The following DNHD1 variants were observed in gnomAD, a reference collection of about 807,000 sequenced individuals.
DNHD1 encodes dynein heavy chain domain-containing protein 1.
DNHD1 carries 383 observed loss-of-function variants against 458.1 expected under a neutral mutation model. The ratio of observed to expected loss-of-function variants is 0.84; its 90% CI spans 0.77 to 0.91. The LOEUF is 0.91. Among genes scored for constraint, DNHD1 ranks in the 40% least tolerant of loss-of-function variants. DNHD1 has a pLI of 0.00. For synonymous variants in DNHD1, 2,203 were observed against 2,376.9 expected (o/e 0.93, Z 2.13); for missense variants, 5,336 against 5,866.1 (o/e 0.91, Z 2.95).
chr11:6,502,711 C>T, intron 3 of DNHD1, 42 bp from the exon 4 acceptor site: 1 of 1,533,794 alleles, frequency 6.5e-7, no homozygotes, highest in Non-Finnish European at 8.7e-7. Context: ...GGTACTTGAC[C>T]TTTTTACTCT....
rs767798871 is a variant in DNHD1 at position 6,545,918 on chromosome 11, C to T, written c.4979C>T (p.Pro1660Leu). The T allele has an allele frequency of 1.9e-6, 3 of 1,551,798 alleles. No individual in the cohort carries two copies. In the Admixed American group the frequency reaches 5.9e-5, roughly 30 times the overall value. The change falls in exon 21 of 43, where the codon CCT (proline) becomes CTT (leucine). Residue 1660 changes from proline to leucine, a missense_variant. This residue lies in a region of DNHD1 where 3,932 missense variants were observed against 4,365.6 expected (regional missense o/e 0.90). Coordinates refer to ENST00000254579, the MANE Select transcript of DNHD1 (RefSeq NM_144666.3). This position sits in a 1 kb window ranked among gnomAD's most constrained non-coding sequence, Gnocchi z 4.9. ...NYEYLGPRLG[P>L]LPSLLPERPA... is the part of the protein sequence containing the mutation. ...GAGTATCTGGGACCTAGACTAGGGCCTCTACCCAGCCTACTGCCTGAACGG... is the reference window on the plus strand; with the variant it reads ...GAGTATCTGGGACCTAGACTAGGGCTTCTACCCAGCCTACTGCCTGAACGG...
chr11:6,536,792 A>G (rs985551853), intron 14 of DNHD1, among the ~76,000 whole-genome samples: 2 of 152,208 alleles, frequency 1.3e-5, no homozygotes, highest in African/African-American at 4.8e-5. Context: ...TGGAGATGAT[A>G]TCTCTGCTCT....
In DNHD1 at chr11:6,519,952, C is replaced by G. The variant is rs761403490; in HGVS notation, c.1648-13C>G. The G allele has an allele frequency of 6.2e-7, 1 of 1,613,410 alleles. No homozygotes were observed. Among genetic ancestry groups the G allele is most frequent in the Middle Eastern group, 1.7e-4 (1 of 6,058 alleles). On this transcript the variant is annotated splice_polypyrimidine_tract_variant and intron_variant, in intron 8 of 42. Coordinates refer to ENST00000254579, the MANE Select transcript of DNHD1 (RefSeq NM_144666.3). ...TCTAGCCCCTCGACCTTTCCTGACC[C>G]TTTTTTTTACAGGCCCCAAGGCAGA...
At position 6,528,438 on chromosome 11, in the gene DNHD1, C is replaced by CGTGTGT. The variant is rs1565003444; in HGVS notation, c.1838-84_1838-83insGTGTGT. 369 of 987,356 alleles carry CGTGTGT rather than the reference C, an allele frequency of 3.7e-4. 1 individual carries two copies. In the African/African-American group the frequency reaches 5.1e-3, roughly 14 times the overall value. The allele number at this position is 987,356 out of a possible 1,614,324, so 61.2% of individuals were successfully genotyped here. On this transcript the variant is annotated intron_variant, in intron 10 of 42. Coordinates refer to ENST00000254579, the MANE Select transcript of DNHD1 (RefSeq NM_144666.3). ...GTGTGTGTGTGTGTGTGTGTGTGTACACACACTGAGGGCAAGGAGAAAGGA... is the reference window on the plus strand; with the variant it reads ...GTGTGTGTGTGTGTGTGTGTGTGTACGTGTGTACACACTGAGGGCAAGGAGAAAGGA...
In DNHD1 at chr11:6,563,857, G is replaced by A. The variant is rs1475816731; in HGVS notation, c.10017G>A (p.Ala3339=). The A allele has an allele frequency of 8.4e-6, 13 of 1,551,658 alleles. No individual in the cohort carries two copies. The highest frequency in any genetic ancestry group is 5.9e-5 in the Admixed American group (3 of 51,014). ...GGGCTGTTCTGCACTATGGGCTGGC[G>A]CATTGCCGGGGACTGCCCACGGACC... ...WLWAVLHYGL[A]HCRGLPTDLL... The change falls in exon 31 of 43, where the codon GCG becomes GCA. Residue 3339 remains alanine, a synonymous_variant. Transcript: ENST00000254579.
Position 6,564,400 on chromosome 11 carries a change from T to C in DNHD1, c.10352T>C (p.Leu3451Pro). Residue 3451 changes from leucine to proline, a missense_variant, in exon 32 of 43, where the codon CTG (leucine) becomes CCG (proline). Leu to Pro is a moderately conservative substitution (Grantham distance 98, BLOSUM62 -3). Coordinates refer to ENST00000254579, the MANE Select transcript of DNHD1 (RefSeq NM_144666.3). ...TLLCSAAIIYLGPFPPLRRQE... is the reference protein window; with the variant it reads ...TLLCSAAIIYPGPFPPLRRQE... ...CTATGTTCAGCTGCCATCATCTACC[T>C]GGGTCCCTTCCCACCATTGCGGCGC... 6.4e-7 allele frequency: 1 copy of C among 1,551,640 alleles called. No homozygotes were observed. The highest frequency in any genetic ancestry group is 1.4e-5 in the African/African-American group (1 of 73,166).
At chr11:6,568,919 T>A in intron 39 of DNHD1, 53 bp downstream of exon 39, 7 of 1,526,762 alleles carry the variant, frequency 4.6e-6, no homozygotes, top group Non-Finnish European at 5.3e-6. Context: ...AAACATTGAG[T>A]ATCTTCCATA....
Position 6,564,408 on chromosome 11 carries a change from T to C in DNHD1, c.10360T>C (p.Phe3454Leu), listed in dbSNP as rs753963073. The C allele has an allele frequency of 6.4e-7, 1 of 1,551,702 alleles. No homozygotes were observed. Residue 3454 changes from phenylalanine to leucine, a missense_variant, in exon 32 of 43, where the codon TTC (phenylalanine) becomes CTC (leucine). Coordinates refer to ENST00000254579, the MANE Select transcript of DNHD1 (RefSeq NM_144666.3). Reference sequence around the variant, plus strand: ...AGCTGCCATCATCTACCTGGGTCCCTTCCCACCATTGCGGCGCCAAGAGCT... The same window carrying C: ...AGCTGCCATCATCTACCTGGGTCCCCTCCCACCATTGCGGCGCCAAGAGCT... ...CSAAIIYLGP[F>L]PPLRRQELLD...
In DNHD1 at chr11:6,557,149, C is replaced by G; in HGVS notation, c.7854C>G (p.Asn2618Lys). 1 of 1,551,774 alleles carries G rather than the reference C, an allele frequency of 6.4e-7. No individual in the cohort carries two copies. Among genetic ancestry groups the G allele is most frequent in the Non-Finnish European group, 8.7e-7 (1 of 1,147,010 alleles). Reference sequence around the variant, plus strand: ...CCCGAGGTTTTGTGGACTATCCCAACCACCAGGAGCACTTGCGCCGGGTGT... The same window carrying G: ...CCCGAGGTTTTGTGGACTATCCCAAGCACCAGGAGCACTTGCGCCGGGTGT... Reference protein sequence around the residue: ...TGSRGFVDYPNHQEHLRRVSG... With the variant: ...TGSRGFVDYPKHQEHLRRVSG... Residue 2618 changes from asparagine (N) to lysine (K), a missense_variant, in exon 25 of 43, where the codon AAC becomes AAG. By Grantham distance (94) the Asn-to-Lys change is moderately conservative. Transcript: ENST00000254579.
intron 6 of DNHD1, among the ~76,000 whole-genome samples, chr11:6,510,088 A>AT (rs367958360): frequency 0.013 from 1,868 of 148,374 alleles, 38 homozygotes; most frequent in African/African-American, 0.042. Flanking sequence ...ACTCAAAAGA[A>AT]TTTTTTTTTT....
Position 6,522,060 on chromosome 11 carries a change from A to G in DNHD1, c.1837+1771A>G, listed in dbSNP as rs569712575. 3.9e-4 allele frequency among the ~76,000 whole-genome samples: 59 copies of G among 152,284 alleles called. No individual in the cohort carries two copies. The Middle Eastern group carries it at 0.01, about 26-fold the overall frequency. ...TCCTTAAATTCTTTAAAAAAATTAAAAAGTTTTGATTTGCATTTCTCTAAT... is the reference window on the plus strand; with the variant it reads ...TCCTTAAATTCTTTAAAAAAATTAAGAAGTTTTGATTTGCATTTCTCTAAT... On this transcript the variant is annotated intron_variant, in intron 10 of 42. Coordinates refer to ENST00000254579, the MANE Select transcript of DNHD1 (RefSeq NM_144666.3).
At position 6,570,236 on chromosome 11, in the gene DNHD1, C is replaced by T; in HGVS notation, c.12956-11C>T. On this transcript the variant is annotated splice_polypyrimidine_tract_variant and intron_variant, in intron 40 of 42. Coordinates refer to ENST00000254579, the MANE Select transcript of DNHD1 (RefSeq NM_144666.3). ...GGTACTGGAACTGAGAGACTCTAAC[C>T]TCATCTTCAGCTTCAGTTTTCTACG... 1 of 1,613,674 alleles carries T rather than the reference C, an allele frequency of 6.2e-7. No individual in the cohort carries two copies.
intron 34 of DNHD1, 94 bp from the exon 35 acceptor site, chr11:6,566,493 C>T (rs1362130958): frequency 1.9e-6 from 3 of 1,549,950 alleles, no homozygotes; most frequent in African/African-American, 2.7e-5. Context: ...CCAGAGCAGG[C>T]ACAGGTCTAT....
intron 4 of DNHD1, among the ~76,000 whole-genome samples, chr11:6,507,739 A>G (rs1852257101): frequency 6.6e-6 from 1 of 152,222 alleles, no homozygotes; most frequent in Non-Finnish European, 1.5e-5. Context: ...GGCATGAGTC[A>G]GGTAACTTTG....
intron 7 of DNHD1, among the ~76,000 whole-genome samples, chr11:6,511,859 A>G (rs969777638): frequency 4.6e-5 from 7 of 152,270 alleles, no homozygotes; most frequent in African/African-American, 1.4e-4. Context: ...AATTATGCAT[A>G]TGTTGCATCT....
At chr11:6,535,092 C>G (rs921796644) in intron 14 of DNHD1, among the ~76,000 whole-genome samples, 3 of 152,224 alleles carry the variant, frequency 2.0e-5, no homozygotes, top group African/African-American at 7.2e-5. Flanking sequence ...CTGAATCTCT[C>G]TCACTCATTG....
rs1002339680 is a variant in DNHD1, at chr11:6,507,413, G to A, written c.921-1467G>A. On this transcript the variant is annotated intron_variant, in intron 4 of 42. Coordinates refer to ENST00000254579, the MANE Select transcript of DNHD1 (RefSeq NM_144666.3). ...ATAATAGGTGTATCTAGTTACAGTA[G>A]GCCAGTTAGCATAATGCTATGTTTA... is the stretch of plus-strand genomic sequence containing the variant. Among the ~76,000 whole-genome samples the A allele has an allele frequency of 3.9e-5, 6 of 152,248 alleles. No individual in the cohort carries two copies. In the East Asian group the frequency reaches 1.2e-3, roughly 29 times the overall value.
At chr11:6,536,689 A>AAATAAAAAAGCATTATTTAT (rs1364571661) in intron 14 of DNHD1, among the ~76,000 whole-genome samples, 10 of 152,358 alleles carry the variant, frequency 6.6e-5, no homozygotes, top group Non-Finnish European at 1.5e-5. Context: ...AAAAGTTTTA[A>AAATAAAAAAGCATTATTTAT]AATGCATGGA....
chr11:6,570,910 C>G lies in DNHD1; in HGVS notation c.13398C>G (p.Ser4466=). 6.2e-7 allele frequency: 1 copy of G among 1,613,396 alleles called. No homozygotes were observed. Among genetic ancestry groups the G allele is most frequent in the Non-Finnish European group, 8.5e-7 (1 of 1,179,360 alleles). The stretch of plus-strand genomic sequence containing the variant: ...CCCACGTGATTCGCCAAGACGAGTC[C>G]GACGCCCCGTGGTCAGTGCTGGGGC... ...LLTHVIRQDE[S]DAPWSVLGPN... The change falls in exon 42 of 43, where the codon TCC becomes TCG. Residue 4466 remains serine (S), a synonymous_variant. Coordinates refer to ENST00000254579, the MANE Select transcript of DNHD1 (RefSeq NM_144666.3).
Sources: gnomAD v4.1 joint callset for allele counts (sites outside exome capture counted in the v4.1 genomes callset) on GRCh38, gnomAD v4.1.1 for gene constraint, gnomAD v4.1.1 regional missense constraint, Gnocchi (gnomAD v3.1) non-coding constraint, MANE v1.5 for transcripts, NCBI Gene and HGNC (gene_info 2026-07-23, HGNC 2026-07-21) for gene names.